Variants in KCNA3 observed in about 807,000 individuals in gnomAD.
KCNA3 encodes the protein RP11-284N8.3.
Under a neutral mutation model 34.3 loss-of-function variants are expected in KCNA3, and 18 were observed. The ratio of observed to expected loss-of-function variants is 0.52; its 90% CI spans 0.36 to 0.78. KCNA3 has a LOEUF of 0.78. Ranked by LOEUF, KCNA3 falls within the 30% of genes least tolerant of loss-of-function variation. The probability of loss-of-function intolerance (pLI) is 0.00; values close to 1 mark genes in which losing one functional copy is unlikely to be tolerated. For missense variants in KCNA3, 587 were observed against 802.5 expected, an observed-to-expected ratio of 0.73 and a Z score of 3.24; for synonymous variants, 324 against 351.7, an observed-to-expected ratio of 0.92 and a Z score of 0.88.
downstream of KCNA3, among the ~76,000 whole-genome samples, chr1:110,669,115 A>G (rs186939180): frequency 3.3e-5 from 5 of 152,196 alleles, no homozygotes; most frequent in East Asian, 9.6e-4. Context: ...TGGCAATCTC[A>G]TTCTGCTTTT....
the KCNA3 span, among the ~76,000 whole-genome samples, chr1:110,665,934 C>T: frequency 5.3e-5 from 8 of 151,978 alleles, no homozygotes; most frequent in South Asian, 2.1e-4. Context: ...GGAATGATAG[C>T]GGGGTGAGAG....
downstream of KCNA3, among the ~76,000 whole-genome samples, chr1:110,671,580 C>T (rs1374453404): frequency 6.6e-6 from 1 of 152,170 alleles, no homozygotes; most frequent in Non-Finnish European, 1.5e-5. Flanking sequence ...TGATTGTCTG[C>T]AATTCACTCA....
the KCNA3 span, among the ~76,000 whole-genome samples, chr1:110,658,389 G>A: frequency 6.6e-6 from 1 of 152,112 alleles, no homozygotes; most frequent in Non-Finnish European, 1.5e-5. Context: ...TTATGCATTT[G>A]TTCAGGTATA....
chr1:110,669,525 A>T (rs1461362315), downstream of KCNA3, among the ~76,000 whole-genome samples: 1 of 152,202 alleles, frequency 6.6e-6, no homozygotes, highest in Admixed American at 6.5e-5. Flanking sequence ...CTGAAATGAA[A>T]TAGGTTTCTG....
At chr1:110,668,777 C>T (rs1191565153), downstream of KCNA3, among the ~76,000 whole-genome samples, 1 of 152,162 alleles carries the variant, frequency 6.6e-6, no homozygotes, top group East Asian at 1.9e-4. Context: ...TGGGTGTGCA[C>T]TGATCCAGTC....
In KCNA3 at chr1:110,674,060, G is replaced by A. The variant is rs765218129; in HGVS notation, c.750C>T (p.Ile250=). 1.4e-5 allele frequency: 23 copies of A among 1,607,940 alleles called. No homozygotes were observed. Among genetic ancestry groups the A allele is most frequent in the Non-Finnish European group, 2.0e-5 (23 of 1,176,622 alleles). ...SVLVILISIV[I]FCLETLPEFR... ...ACTCCGGCAGCGTCTCCAGGCAGAA[G>A]ATGACAATGGAGATGAGGATGACCA... is the stretch of plus-strand genomic sequence containing the variant. The change falls in exon 1 of 1, where the codon ATC becomes ATT. Residue 250 remains isoleucine (I), a synonymous_variant. Transcript: ENST00000369769. This position sits in a 1 kb window ranked among gnomAD's most constrained non-coding sequence, Gnocchi z 6.4.
the KCNA3 span, chr1:110,654,401 T>A: frequency 6.6e-6 from 1 of 151,752 alleles, no homozygotes; most frequent in Non-Finnish European, 1.5e-5. Flanking sequence ...CTAGGTTGGA[T>A]TTTTTTTTCC....
chr1:110,672,901 T>C lies in KCNA3; in HGVS notation c.*181A>G, dbSNP rs183581761. ...GAGAGCTGAGAGAATGCAGCCCACT[T>C]GCAAAACAGGCACCTGTTTCAGTAT... is the stretch of plus-strand genomic sequence containing the variant. On this transcript the variant is annotated 3_prime_UTR_variant, in exon 1 of 1. Transcript: ENST00000369769. 805 of 617,752 alleles carry C rather than the reference T, an allele frequency of 1.3e-3. 10 individuals carry two copies. In the African/African-American group the frequency reaches 0.014, roughly 10 times the overall value. 38.3% of individuals were successfully genotyped at this position (617,752 alleles called of 1,614,324 possible).
the KCNA3 span, among the ~76,000 whole-genome samples, chr1:110,665,446 T>C: frequency 1.2e-3 from 183 of 152,224 alleles, no homozygotes; most frequent in Middle Eastern, 0.017. Flanking sequence ...ACTGGAAAAT[T>C]GAAGCTGCCA....
Sources: allele counts gnomAD v4.1 joint callset (sites outside exome capture counted in the v4.1 genomes callset), GRCh38; gene constraint gnomAD v4.1.1; non-coding constraint Gnocchi (gnomAD v3.1); transcripts MANE v1.5; gene names NCBI Gene and HGNC (gene_info 2026-07-23, HGNC 2026-07-21).